DMRT1: variants seen among roughly 807,000 people sequenced by gnomAD.
DMRT1 encodes the protein doublesex and mab-3 related transcription factor 1.
A neutral mutation model predicts 32.3 loss-of-function variants in DMRT1; 7 were observed. That is an observed-to-expected ratio of 0.22 (90% confidence interval 0.12 to 0.41). DMRT1 has a LOEUF of 0.41. Among genes scored for constraint, DMRT1 ranks in the 10% least tolerant of loss-of-function variants. The pLI is 1.00. For missense variants in DMRT1, 625 were observed against 500.5 expected, an observed-to-expected ratio of 1.25 and a Z score of -2.37; for synonymous variants, 278 against 206.1, an observed-to-expected ratio of 1.35 and a Z score of -2.99.
chr9:890,225 G>T (rs1217100889), intron 2 of DMRT1, among the ~76,000 whole-genome samples: 1 of 151,920 alleles, frequency 6.6e-6, no homozygotes, highest in East Asian at 1.9e-4. Context: ...GGGATTACAG[G>T]CGTGAGCCAC....
At chr9:930,047 G>C in intron 4 of DMRT1, among the ~76,000 whole-genome samples, 1 of 152,116 alleles carries the variant, frequency 6.6e-6, no homozygotes, top group South Asian at 2.1e-4. Context: ...TTCAAGACCT[G>C]GTTGAAGTCT....
At chr9:908,482 A>T (rs778817647) in intron 3 of DMRT1, among the ~76,000 whole-genome samples, 71 of 152,020 alleles carry the variant, frequency 4.7e-4, no homozygotes, top group African/African-American at 1.7e-3. Flanking sequence ...AAAAAGACTG[A>T]TGTGAATTTC....
At chr9:851,167 C>T (rs1839134274) in intron 2 of DMRT1, among the ~76,000 whole-genome samples, 1 of 152,050 alleles carries the variant, frequency 6.6e-6, no homozygotes, top group South Asian at 2.1e-4. Flanking sequence ...AAGTTGCTAA[C>T]TTTCTACTTT....
chr9:871,660 G>C (rs1816268170), intron 2 of DMRT1, among the ~76,000 whole-genome samples: 1 of 143,646 alleles, frequency 7.0e-6, no homozygotes, highest in Non-Finnish European at 1.5e-5. Context: ...ATTTTTAGTA[G>C]AGACGGGGTT....
In DMRT1 at chr9:968,323, C is replaced by T; in HGVS notation, c.*184C>T. The T allele has an allele frequency of 1.5e-6, 1 of 666,238 alleles. No homozygotes were observed. The highest frequency in any genetic ancestry group is 1.9e-5 in the South Asian group (1 of 52,726). 41.3% of individuals were successfully genotyped at this position (666,238 alleles called of 1,614,324 possible). On this transcript the variant is annotated 3_prime_UTR_variant, in exon 5 of 5. Transcript: ENST00000382276. ...TGTAATACTTTAGGGTCCGTGACTACCATCTGCATGGTTTAAGTGCTTTAC... is the reference window on the plus strand; with the variant it reads ...TGTAATACTTTAGGGTCCGTGACTATCATCTGCATGGTTTAAGTGCTTTAC...
intron 3 of DMRT1, among the ~76,000 whole-genome samples, chr9:910,545 C>G (rs538291834): frequency 3.3e-5 from 5 of 151,072 alleles, no homozygotes; most frequent in Non-Finnish European, 4.4e-5. Flanking sequence ...AAGAAGTGAA[C>G]TCAAACATTT....
At chr9:962,678 C>A (rs1240340420) in intron 4 of DMRT1, among the ~76,000 whole-genome samples, 2 of 152,078 alleles carry the variant, frequency 1.3e-5, no homozygotes, top group Admixed American at 6.6e-5. Flanking sequence ...TTGCTTGAGT[C>A]CCTGGTTGGG....
chr9:852,619 A>G (rs1168886196), intron 2 of DMRT1, among the ~76,000 whole-genome samples: 1 of 152,192 alleles, frequency 6.6e-6, no homozygotes, highest in African/African-American at 2.4e-5. Flanking sequence ...GAAGGGTTGC[A>G]TTGTAGATAA....
At chr9:942,366 C>G (rs141325074) in intron 4 of DMRT1, among the ~76,000 whole-genome samples, 1 of 152,162 alleles carries the variant, frequency 6.6e-6, no homozygotes, top group Admixed American at 6.5e-5. Context: ...CCCAACCTCG[C>G]AGGTTTAGTT....
intron 4 of DMRT1, among the ~76,000 whole-genome samples, chr9:954,552 T>A (rs576018706): frequency 2.0e-4 from 30 of 152,132 alleles, no homozygotes; most frequent in Admixed American, 1.8e-3. Flanking sequence ...ATCCAAGAGA[T>A]GAGGGAGGGT....
At chr9:902,122 C>A (rs533774073) in intron 3 of DMRT1, among the ~76,000 whole-genome samples, 25 of 151,612 alleles carry the variant, frequency 1.6e-4, no homozygotes, top group Non-Finnish European at 2.9e-4. Flanking sequence ...GTTGGCCAGG[C>A]TGGTCTCAAA....
rs1819899126 is a variant in DMRT1 at position 965,340 on chromosome 9, G to T, written c.968-2645G>T. ...GTGGAGAAACACTATAAACAATACG[G>T]CTGTTTTTCAAAACAGGGTGAGTTT... On this transcript the variant is annotated intron_variant, in intron 4 of 4. Transcript: ENST00000382276. The surrounding 1 kb of genome is among the most constrained non-coding windows in gnomAD (Gnocchi z 4.5). 6.6e-6 allele frequency among the ~76,000 whole-genome samples: 1 copy of T among 152,112 alleles called. No homozygotes were observed. Among genetic ancestry groups the T allele is most frequent in the East Asian group, 1.9e-4 (1 of 5,192 alleles).
At chr9:967,791 A>C (rs1158894435) in intron 4 of DMRT1, among the ~76,000 whole-genome samples, 194 bp from the exon 5 acceptor site, 1 of 152,230 alleles carries the variant, frequency 6.6e-6, no homozygotes, top group African/African-American at 2.4e-5. Flanking sequence ...TGTGTAGAAT[A>C]CTATTTTTTT....
chr9:844,017 C>G (rs1481365595), intron 1 of DMRT1, among the ~76,000 whole-genome samples: 3 of 152,106 alleles, frequency 2.0e-5, no homozygotes, highest in Non-Finnish European at 4.4e-5. Flanking sequence ...AAATTATACT[C>G]TGGGCAGAAA....
chr9:908,879 G>A (rs1252429792), intron 3 of DMRT1, among the ~76,000 whole-genome samples: 2 of 152,046 alleles, frequency 1.3e-5, no homozygotes, highest in African/African-American at 2.4e-5. Flanking sequence ...CTTTCGTTTG[G>A]AAAAAGGACT....
At chr9:948,664 C>G (rs1231647677) in intron 4 of DMRT1, among the ~76,000 whole-genome samples, 1 of 152,096 alleles carries the variant, frequency 6.6e-6, no homozygotes, top group Non-Finnish European at 1.5e-5. Flanking sequence ...ACTGTGTTGA[C>G]TGAAACACTC....
At chr9:936,928 C>G (rs1405828051) in intron 4 of DMRT1, among the ~76,000 whole-genome samples, 1 of 152,106 alleles carries the variant, frequency 6.6e-6, no homozygotes, top group African/African-American at 2.4e-5. Context: ...TAACCATCAC[C>G]ACTATCTATT....
intron 4 of DMRT1, among the ~76,000 whole-genome samples, chr9:937,950 G>GT (rs1818941121): frequency 6.6e-6 from 1 of 151,104 alleles, no homozygotes; most frequent in African/African-American, 2.4e-5. Context: ...ATTTATTTTT[G>GT]TTTTTTTAAG....
Position 842,063 on chromosome 9 carries a change from G to A in DMRT1, c.225G>A (p.Lys75=), listed in dbSNP as rs1156295940. The A allele has an allele frequency of 6.5e-7, 1 of 1,545,430 alleles. No homozygotes were observed. The highest frequency in any genetic ancestry group is 8.7e-7 in the Non-Finnish European group (1 of 1,148,814). ...AGSKKSPRLP[K]CARCRNHGYA... ...GCAAGAAGTCCCCGCGGCTGCCCAA[G>A]TGCGCACGCTGCAGGAACCACGGCT... The change falls in exon 1 of 5, where the codon AAG becomes AAA. Residue 75 remains lysine, a synonymous_variant. Coordinates refer to ENST00000382276, the MANE Select transcript of DMRT1 (RefSeq NM_021951.3).
Sources: allele counts gnomAD v4.1 joint callset (sites outside exome capture counted in the v4.1 genomes callset), GRCh38; gene constraint gnomAD v4.1.1; non-coding constraint Gnocchi (gnomAD v3.1); transcripts MANE v1.5; gene names NCBI Gene and HGNC (gene_info 2026-07-23, HGNC 2026-07-21).